Variants in PTPN3 observed in about 807,000 individuals in gnomAD.
The protein encoded by PTPN3 is protein tyrosine phosphatase non-receptor type 3.
Under a neutral mutation model 132.7 loss-of-function variants are expected in PTPN3, and 96 were observed. That is an observed-to-expected ratio of 0.72 (90% CI 0.61 to 0.86). The LOEUF (loss-of-function observed/expected upper bound fraction) is 0.86, where lower values mean the gene tolerates loss of function less well. PTPN3 is among the 40% of genes least tolerant of loss of function. The pLI, the probability that PTPN3 is intolerant of heterozygous loss-of-function variation, is 0.00. For missense variants in PTPN3, 1,125 were observed against 1,159.6 expected, an observed-to-expected ratio of 0.97 and a Z score of 0.43; for synonymous variants, 398 against 429.0, an observed-to-expected ratio of 0.93 and a Z score of 0.89.
the PTPN3 span, chr9:109,534,024 A>G: frequency 1.3e-6 from 1 of 768,154 alleles, no homozygotes; most frequent in African/African-American, 1.7e-5. Context: ...CCATTTCTAC[A>G]CTGCGAAGGT....
At chr9:109,442,137 T>C (rs1257806503) in intron 7 of PTPN3, among the ~76,000 whole-genome samples, 2 of 151,988 alleles carry the variant, frequency 1.3e-5, no homozygotes, top group African/African-American at 4.8e-5. Flanking sequence ...AGCCTTGACC[T>C]CCAGGGCTCA....
intron 5 of PTPN3, chr9:109,451,260 C>T (rs1483101325): frequency 1.0e-6 from 1 of 985,180 alleles, no homozygotes; most frequent in South Asian, 4.7e-5. Context: ...CCTGGTGGCC[C>T]ACCAGCTCTA....
chr9:109,383,600 T>C (rs779882543), intron 22 of PTPN3, 49 bp from the exon 23 acceptor site: 1 of 1,600,580 alleles, frequency 6.2e-7, no homozygotes, highest in Non-Finnish European at 8.5e-7. Flanking sequence ...GGGGTGTTCC[T>C]GCAAGCAGTT....
intron 21 of PTPN3, among the ~76,000 whole-genome samples, chr9:109,389,926 C>T (rs1364316732): frequency 6.6e-6 from 1 of 152,142 alleles, no homozygotes; most frequent in African/African-American, 2.4e-5. Context: ...TAGAAATATT[C>T]CTGCTCCATG....
the PTPN3 span, among the ~76,000 whole-genome samples, chr9:109,509,651 T>C: frequency 6.6e-6 from 1 of 152,248 alleles, no homozygotes; most frequent in Admixed American, 6.5e-5. Flanking sequence ...AAGGCCAGTG[T>C]ATTATTTTCC....
intron 22 of PTPN3, among the ~76,000 whole-genome samples, chr9:109,384,942 G>T (rs1839445180): frequency 6.6e-6 from 1 of 152,142 alleles, no homozygotes; most frequent in African/African-American, 2.4e-5. Flanking sequence ...ACAGGTTAAG[G>T]GCTGTAGGGC....
chr9:109,384,466 G>A (rs1271258560), intron 22 of PTPN3, among the ~76,000 whole-genome samples: 2 of 152,156 alleles, frequency 1.3e-5, no homozygotes, highest in African/African-American at 4.8e-5. Context: ...CTCTTCCTAT[G>A]GCACCCCAGT....
rs543367179 is a variant in PTPN3, at chr9:109,434,081, A to T, written c.676-920T>A. On this transcript the variant is annotated intron_variant, in intron 9 of 25. Coordinates refer to ENST00000374541, the MANE Select transcript of PTPN3 (RefSeq NM_002829.4). Reference sequence around the variant, plus strand: ...GAGTACAAATAAAATTTAAAAATAAAATAGTTCCTCCTCTTGAGTCATTTA... The same window carrying T: ...GAGTACAAATAAAATTTAAAAATAATATAGTTCCTCCTCTTGAGTCATTTA... Among the ~76,000 whole-genome samples, 5 of 152,280 alleles carry T rather than the reference A, an allele frequency of 3.3e-5. No individual in the cohort carries two copies. The South Asian group carries it at 1.0e-3, about 32-fold the overall frequency.
chr9:109,521,055 C>G, the PTPN3 span, among the ~76,000 whole-genome samples: 7 of 152,112 alleles, frequency 4.6e-5, no homozygotes, highest in Non-Finnish European at 1.0e-4. Flanking sequence ...TGTATACCCT[C>G]CACTCAAGTG....
chr9:109,424,234 A>T (rs915225837), intron 12 of PTPN3, among the ~76,000 whole-genome samples: 1 of 152,234 alleles, frequency 6.6e-6, no homozygotes, highest in Non-Finnish European at 1.5e-5. Context: ...AAGGCCCAAT[A>T]AGCAGATGTG....
At chr9:109,466,262 T>C (rs1846095729) in intron 1 of PTPN3, among the ~76,000 whole-genome samples, 1 of 152,198 alleles carries the variant, frequency 6.6e-6, no homozygotes, top group South Asian at 2.1e-4. Flanking sequence ...ACATAGACTA[T>C]ATAGCAGTAC....
chr9:109,450,111 T>C (rs1845151413), intron 5 of PTPN3: 2 of 984,474 alleles, frequency 2.0e-6, no homozygotes, highest in Admixed American at 6.1e-5. Flanking sequence ...ATTTCTTATA[T>C]GTTTAATGGC....
intron 10 of PTPN3, 158 bp from the exon 11 acceptor site, chr9:109,428,842 C>T (rs1843464394): frequency 2.0e-5 from 20 of 985,330 alleles, no homozygotes; most frequent in Non-Finnish European, 2.3e-5. Flanking sequence ...GGCAGCCCCA[C>T]TGCCGCAGGC....
chr9:109,509,706 G>A, the PTPN3 span, among the ~76,000 whole-genome samples: 8 of 152,166 alleles, frequency 5.3e-5, no homozygotes, highest in East Asian at 1.5e-3. Context: ...CATAATACTA[G>A]CACATATTCA....
At chr9:109,522,988 G>T in the PTPN3 span, among the ~76,000 whole-genome samples, 1 of 151,996 alleles carries the variant, frequency 6.6e-6, no homozygotes, top group African/African-American at 2.4e-5. Context: ...GCTGTTCTAT[G>T]CCTCAGTTTC....
intron 7 of PTPN3, among the ~76,000 whole-genome samples, chr9:109,442,708 C>T (rs1844574066): frequency 6.6e-6 from 1 of 152,226 alleles, no homozygotes; most frequent in South Asian, 2.1e-4. Flanking sequence ...TGACACGTGC[C>T]ATGCACTATT....
intron 1 of PTPN3, among the ~76,000 whole-genome samples, chr9:109,478,785 A>G (rs1174822370): frequency 6.6e-6 from 1 of 152,174 alleles, no homozygotes; most frequent in Non-Finnish European, 1.5e-5. Context: ...AACTCCCATG[A>G]CCCAGGAGAG....
chr9:109,534,353 G>A, the PTPN3 span: 1 of 1,501,902 alleles, frequency 6.7e-7, no homozygotes, highest in Non-Finnish European at 8.8e-7. Flanking sequence ...ATGGTGACTG[G>A]GGCCGGCTGC....
the PTPN3 span, among the ~76,000 whole-genome samples, chr9:109,535,565 T>G: frequency 6.6e-6 from 1 of 152,116 alleles, no homozygotes. Context: ...TGGAGTGTAA[T>G]CACGTGATCT....
Sources: gnomAD v4.1 joint callset for allele counts (sites outside exome capture counted in the v4.1 genomes callset) on GRCh38, gnomAD v4.1.1 for gene constraint, MANE v1.5 for transcripts, NCBI Gene and HGNC (gene_info 2026-07-23, HGNC 2026-07-21) for gene names.